Variants in PPP3CA observed in about 807,000 individuals in gnomAD.
PPP3CA encodes the protein CAM-PRP catalytic subunit.
In PPP3CA, 14 loss-of-function variants were observed where a neutral mutation model predicts 66.5. That is an observed-to-expected ratio of 0.21 (90% confidence interval 0.14 to 0.33). PPP3CA has a LOEUF of 0.33. Among genes scored for constraint, PPP3CA ranks in the 10% least tolerant of loss-of-function variants. The pLI is 1.00. For missense variants in PPP3CA, 317 were observed against 639.5 expected (o/e 0.50, Z 5.44); for synonymous variants, 232 against 226.2 (o/e 1.03, Z -0.23).
intron 1 of PPP3CA, among the ~76,000 whole-genome samples, chr4:101,319,756 A>T (rs1728983751): frequency 6.6e-6 from 1 of 152,184 alleles, no homozygotes; most frequent in Admixed American, 6.5e-5. Flanking sequence ...AAAACTGTTT[A>T]AATATCCAAG....
intron 1 of PPP3CA, among the ~76,000 whole-genome samples, chr4:101,247,350 C>T (rs1010569124): frequency 2.0e-5 from 3 of 151,844 alleles, no homozygotes; most frequent in East Asian, 1.9e-4. Flanking sequence ...TTGGTAGAGA[C>T]GGCATTTCAC....
Position 101,040,517 on chromosome 4 carries a change from T to C in PPP3CA, c.1206A>G (p.Ala402=), listed in dbSNP as rs1314478246. The C allele has an allele frequency of 1.9e-6, 3 of 1,613,556 alleles. No individual in the cohort carries two copies. Among genetic ancestry groups the C allele is most frequent in the African/African-American group, 2.7e-5 (2 of 74,920 alleles). ...AGAACACTCTGGCCATTTTGCCTATTGCTCGGATCTTGTTCCTTATCACCT... is the reference window on the plus strand; with the variant it reads ...AGAACACTCTGGCCATTTTGCCTATCGCTCGGATCTTGTTCCTTATCACCT... The part of the protein sequence containing the change: ...RKEVIRNKIR[A]IGKMARVFSV... Residue 402 remains alanine, a synonymous_variant, in exon 11 of 14, where the codon GCA becomes GCG. Coordinates refer to ENST00000394854, the MANE Select transcript of PPP3CA (RefSeq NM_000944.5).
chr4:101,334,514 T>C (rs1045495513), intron 1 of PPP3CA, among the ~76,000 whole-genome samples: 2 of 152,128 alleles, frequency 1.3e-5, no homozygotes, highest in Non-Finnish European at 2.9e-5. Context: ...GGCTCCTGAA[T>C]AACAGGATTT....
At chr4:101,205,605 T>G (rs1725107219) in intron 1 of PPP3CA, among the ~76,000 whole-genome samples, 1 of 152,170 alleles carries the variant, frequency 6.6e-6, no homozygotes, top group African/African-American at 2.4e-5. Flanking sequence ...AACTTGTTCC[T>G]TTTACCTTCT....
At chr4:101,245,198 A>G (rs888571678) in intron 1 of PPP3CA, among the ~76,000 whole-genome samples, 1 of 152,110 alleles carries the variant, frequency 6.6e-6, no homozygotes, top group African/African-American at 2.4e-5. Flanking sequence ...CCAACATGGA[A>G]CTGCTGGATA....
intron 11 of PPP3CA, among the ~76,000 whole-genome samples, chr4:101,033,120 ATAAT>A (rs1221361103): frequency 2.6e-5 from 4 of 152,134 alleles, no homozygotes; most frequent in Non-Finnish European, 4.4e-5. Flanking sequence ...TTAAATCCTC[ATAAT>A]TAAATAACCA....
chr4:101,227,035 T>G (rs2110219434), intron 1 of PPP3CA, among the ~76,000 whole-genome samples: 1 of 151,822 alleles, frequency 6.6e-6, no homozygotes, highest in African/African-American at 2.4e-5. Context: ...ATTCCAAAAA[T>G]AAAACAAATG....
intron 1 of PPP3CA, among the ~76,000 whole-genome samples, chr4:101,341,299 C>A (rs1729808616): frequency 6.6e-6 from 1 of 150,988 alleles, no homozygotes; most frequent in African/African-American, 2.4e-5. Context: ...GTGTGAGCCA[C>A]CACACCTGGC....
intron 1 of PPP3CA, among the ~76,000 whole-genome samples, chr4:101,198,325 G>A (rs954062743): frequency 6.6e-6 from 1 of 152,128 alleles, no homozygotes; most frequent in Admixed American, 6.5e-5. Flanking sequence ...TTTGAGATTA[G>A]AAAATATCTT....
intron 2 of PPP3CA, among the ~76,000 whole-genome samples, chr4:101,175,315 G>T (rs1724024436): frequency 6.6e-6 from 1 of 152,172 alleles, no homozygotes. Flanking sequence ...TTCTGGGAAA[G>T]AGTAATAGCC....
intron 1 of PPP3CA, among the ~76,000 whole-genome samples, chr4:101,307,168 CAAAAAAAA>C (rs1331785893): frequency 1.3e-5 from 1 of 77,324 alleles, no homozygotes; most frequent in Non-Finnish European, 3.0e-5. Flanking sequence ...CACTTTGAAC[CAAAAAAAA>C]AAAAAAAAAA....
intron 1 of PPP3CA, among the ~76,000 whole-genome samples, chr4:101,331,685 C>T (rs1262932724): frequency 6.6e-6 from 1 of 152,168 alleles, no homozygotes; most frequent in African/African-American, 2.4e-5. Flanking sequence ...TTAAGTCCTT[C>T]AGCTCAATCA....
chr4:101,315,365 C>T (rs140315826), intron 1 of PPP3CA, among the ~76,000 whole-genome samples: 123 of 152,294 alleles, frequency 8.1e-4, no homozygotes, highest in African/African-American at 2.7e-3. Flanking sequence ...AGACACAGTA[C>T]AACCCCAGTT....
At chr4:101,228,828 T>A (rs1239759157) in intron 1 of PPP3CA, among the ~76,000 whole-genome samples, 1 of 151,658 alleles carries the variant, frequency 6.6e-6, no homozygotes, top group Non-Finnish European at 1.5e-5. Flanking sequence ...GCCATTTCAA[T>A]AGAAAAGATC....
chr4:101,152,236 C>T (rs1259856173), intron 2 of PPP3CA, among the ~76,000 whole-genome samples: 1 of 152,108 alleles, frequency 6.6e-6, no homozygotes, highest in Non-Finnish European at 1.5e-5. Context: ...CATAAAAATG[C>T]ACTTTTAATA....
rs113435031 is a variant in PPP3CA at position 101,050,544 on chromosome 4, T to A, written c.1157-9978A>T. Among the ~76,000 whole-genome samples, 375 of 152,288 alleles carry A rather than the reference T, an allele frequency of 2.5e-3. 2 individuals carry two copies. The highest frequency in any genetic ancestry group is 8.3e-3 in the African/African-American group (347 of 41,570). ...GCATGTTCTAAATGCATTATTTCCA[T>A]ATAATCCTCGCAACAACCACATGGA... On this transcript the variant is annotated intron_variant, in intron 10 of 13. Coordinates refer to ENST00000394854, the MANE Select transcript of PPP3CA (RefSeq NM_000944.5).
At chr4:101,106,445 GAA>G (rs1185507383) in intron 3 of PPP3CA, among the ~76,000 whole-genome samples, 1 of 12,214 alleles carries the variant, frequency 8.2e-5, no homozygotes, top group Non-Finnish European at 1.7e-4. Flanking sequence ...AAGAAAGAAA[GAA>G]AGAAAGAGAA....
At chr4:101,070,918 T>C (rs1199787678) in intron 8 of PPP3CA, among the ~76,000 whole-genome samples, 1 of 152,346 alleles carries the variant, frequency 6.6e-6, no homozygotes, top group South Asian at 2.1e-4. Context: ...TTTTTTTTGT[T>C]AATAAGGAAG....
intron 8 of PPP3CA, among the ~76,000 whole-genome samples, chr4:101,075,709 T>A (rs923877415): frequency 1.3e-5 from 2 of 152,042 alleles, no homozygotes; most frequent in African/African-American, 4.8e-5. Flanking sequence ...TGCCACTCTA[T>A]TTCTCAATCC....
Sources: allele counts gnomAD v4.1 joint callset (sites outside exome capture counted in the v4.1 genomes callset), GRCh38; gene constraint gnomAD v4.1.1; transcripts MANE v1.5; gene names NCBI Gene and HGNC (gene_info 2026-07-23, HGNC 2026-07-21).